RAB37: variants seen among roughly 807,000 people sequenced by gnomAD.
The protein encoded by RAB37 is ras-related protein Rab-37.
Under a neutral mutation model 33.1 loss-of-function variants are expected in RAB37, and 29 were observed. That is an observed-to-expected ratio of 0.88 (90% CI 0.65 to 1.20). RAB37 has a LOEUF of 1.20. RAB37 is among the 50% of genes most tolerant of loss of function. The pLI is 0.00. For synonymous variants in RAB37, 128 were observed against 119.5 expected, an observed-to-expected ratio of 1.07 and a Z score of -0.47; for missense variants, 299 against 301.1, an observed-to-expected ratio of 0.99 and a Z score of 0.05.
At chr17:74,689,042 C>T (rs2032110534) in intron 1 of RAB37, among the ~76,000 whole-genome samples, 1 of 152,200 alleles carries the variant, frequency 6.6e-6, no homozygotes, top group Non-Finnish European at 1.5e-5. Context: ...TGGCTCAAAC[C>T]CGTAATCTCA....
In RAB37 at chr17:74,730,720, C is replaced by T. The variant is rs1466592703; in HGVS notation, c.183+1354C>T. On this transcript the variant is annotated intron_variant, in intron 2 of 7. Coordinates refer to the RAB37 transcript ENST00000340415. The surrounding 1 kb of genome is among the most constrained non-coding windows in gnomAD (Gnocchi z 4.4). ...CTCAGCAGCCAGGGCACACCCTGCCCTCAGGGTCACACCCGCATCTCCTCA... is the reference window on the plus strand; with the variant it reads ...CTCAGCAGCCAGGGCACACCCTGCCTTCAGGGTCACACCCGCATCTCCTCA... Among the ~76,000 whole-genome samples the T allele has an allele frequency of 1.3e-5, 2 of 152,164 alleles. No individual in the cohort carries two copies. Among genetic ancestry groups the T allele is most frequent in the Non-Finnish European group, 2.9e-5 (2 of 68,022 alleles).
chr17:74,682,975 A>G (rs1352915799), intron 1 of RAB37, among the ~76,000 whole-genome samples: 4 of 152,214 alleles, frequency 2.6e-5, no homozygotes, highest in Non-Finnish European at 5.9e-5. Flanking sequence ...TAGCCATGCA[A>G]AAACAACAGA....
upstream of RAB37, chr17:74,736,998 T>C: frequency 1.3e-6 from 2 of 1,595,634 alleles, no homozygotes; most frequent in Non-Finnish European, 1.7e-6. Flanking sequence ...AGGGGACCGG[T>C]CCCGGGGCTG....
chr17:74,745,747 A>C lies in RAB37; in HGVS notation c.*336A>C. 2 of 237,694 alleles carry C rather than the reference A, an allele frequency of 8.4e-6. No individual in the cohort carries two copies. Among genetic ancestry groups the C allele is most frequent in the Non-Finnish European group, 1.7e-5 (2 of 120,382 alleles). The allele number at this position is 237,694 out of a possible 1,614,324, so 14.7% of individuals were successfully genotyped here. A position where few individuals can be genotyped will look rare whatever the true frequency, so the allele number is the denominator to read the frequency against. Reference sequence around the variant, plus strand: ...CCGGCCCTCCCTCCTAAGCATAACAAAGGTGGTGTTGCTCCAGCTCAGCCC... The same window carrying C: ...CCGGCCCTCCCTCCTAAGCATAACACAGGTGGTGTTGCTCCAGCTCAGCCC... On this transcript the variant is annotated 3_prime_UTR_variant, in exon 9 of 9. Transcript: ENST00000392613. The surrounding 1 kb of genome is among the most constrained non-coding windows in gnomAD (Gnocchi z 4.5).
chr17:74,720,940 C>A (rs1394130294), intron 1 of RAB37, among the ~76,000 whole-genome samples: 2 of 152,136 alleles, frequency 1.3e-5, no homozygotes, highest in Admixed American at 6.6e-5. Flanking sequence ...TTCCCTGAAG[C>A]CTGGCTGGAG....
At chr17:74,711,935 C>T (rs1166499006) in intron 1 of RAB37, among the ~76,000 whole-genome samples, 1 of 130,934 alleles carries the variant, frequency 7.6e-6, no homozygotes, top group African/African-American at 2.9e-5. Context: ...AACAGAGTCT[C>T]GCTCTGTCAC....
rs754207012 is a variant in RAB37 at position 74,745,440 on chromosome 17, AGGCACACAG to A, written c.*31_*39del. On this transcript the variant is annotated 3_prime_UTR_variant, in exon 9 of 9. Coordinates refer to ENST00000392613, the MANE Select transcript of RAB37 (RefSeq NM_001006638.3). The surrounding 1 kb of genome is among the most constrained non-coding windows in gnomAD (Gnocchi z 4.5). ...CCAGGGGGCAGAGAGGAGGCTCTGG[AGGCACACAG>A]GATGCAGCCTTCCCCCTCCCAGGCC... 6 of 1,562,904 alleles carry A rather than the reference AGGCACACAG, an allele frequency of 3.8e-6. No individual in the cohort carries two copies. The Admixed American group carries it at 1.0e-4, about 26-fold the overall frequency.
upstream of RAB37, among the ~76,000 whole-genome samples, chr17:74,734,655 C>T (rs578058404): frequency 5.3e-5 from 8 of 152,168 alleles, no homozygotes; most frequent in African/African-American, 1.9e-4. Context: ...ACCAGCCTGG[C>T]CAACATGGTG....
At chr17:74,698,297 A>T in intron 1 of RAB37, 1 of 1,037,086 alleles carries the variant, frequency 9.6e-7, no homozygotes. Context: ...CCCTTGGACC[A>T]GATAGCTCCC....
chr17:74,709,669 G>C (rs1373744395), intron 1 of RAB37, among the ~76,000 whole-genome samples: 2 of 151,930 alleles, frequency 1.3e-5, no homozygotes, highest in Admixed American at 6.6e-5. Flanking sequence ...GGGCTCAAGT[G>C]ATCCTTTTGC....
intron 1 of RAB37, among the ~76,000 whole-genome samples, chr17:74,717,837 A>T: frequency 6.6e-6 from 1 of 151,294 alleles, no homozygotes; most frequent in Middle Eastern, 3.2e-3. Flanking sequence ...ACAGAAAAGA[A>T]AAAGAAAGGT....
chr17:74,671,416 TG>T lies in RAB37; in HGVS notation c.-169del. ...GGAAGAACGTGGCCGCCTGCCCGCCTGGTACCGCGCCGCGGCCGCTGCGGGG... is the reference window on the plus strand; with the variant it reads ...GGAAGAACGTGGCCGCCTGCCCGCCTGTACCGCGCCGCGGCCGCTGCGGGG... On this transcript the variant is annotated 5_prime_UTR_variant, in exon 1 of 8. Coordinates refer to the RAB37 transcript ENST00000340415. The surrounding 1 kb of genome is among the most constrained non-coding windows in gnomAD (Gnocchi z 5.0). 1.6e-6 allele frequency: 1 copy of T among 612,462 alleles called. No individual in the cohort carries two copies. The highest frequency in any genetic ancestry group is 2.9e-6 in the Non-Finnish European group (1 of 350,292). 37.9% of individuals were successfully genotyped at this position (612,462 alleles called of 1,614,324 possible).
chr17:74,714,165 C>T (rs2034119399), intron 1 of RAB37, among the ~76,000 whole-genome samples: 1 of 151,870 alleles, frequency 6.6e-6, no homozygotes, highest in Non-Finnish European at 1.5e-5. Flanking sequence ...GAACCCAGAT[C>T]GCACCACTGA....
intron 1 of RAB37, chr17:74,698,279 T>C: frequency 1.1e-6 from 1 of 921,260 alleles, no homozygotes; most frequent in Non-Finnish European, 1.7e-6. Context: ...CCTGATTGTG[T>C]GGGTAATCCC....
chr17:74,690,164 T>C (rs2032133630), intron 1 of RAB37, among the ~76,000 whole-genome samples: 1 of 152,172 alleles, frequency 6.6e-6, no homozygotes, highest in South Asian at 2.1e-4. Context: ...CCTCCCTATG[T>C]TGCTCAGGCT....
rs912724071 is a variant in RAB37 at position 74,674,149 on chromosome 17, T to G, written c.72+2491T>G. Reference sequence around the variant, plus strand: ...TGGAATGCAGTGGTGTGATCTCAGCTCACTGCAACCTCTGCCTCCCAGGCA... The same window carrying G: ...TGGAATGCAGTGGTGTGATCTCAGCGCACTGCAACCTCTGCCTCCCAGGCA... On this transcript the variant is annotated intron_variant, in intron 1 of 7. Transcript: ENST00000340415. 5.9e-5 allele frequency among the ~76,000 whole-genome samples: 9 copies of G among 152,204 alleles called. No individual in the cohort carries two copies. The South Asian group carries it at 8.3e-4, about 14-fold the overall frequency.
At chr17:74,726,753 G>C (rs781321222) in intron 1 of RAB37, among the ~76,000 whole-genome samples, 3 of 152,330 alleles carry the variant, frequency 2.0e-5, no homozygotes, top group Admixed American at 2.0e-4. Flanking sequence ...TGCCAGAGTT[G>C]AACAGTGGCT....
At chr17:74,728,656 C>T (rs1397064992) in intron 1 of RAB37, among the ~76,000 whole-genome samples, 1 of 144,772 alleles carries the variant, frequency 6.9e-6, no homozygotes, top group African/African-American at 2.6e-5. Context: ...TATATGTGTG[C>T]TCTGTGTATG....
intron 1 of RAB37, among the ~76,000 whole-genome samples, chr17:74,688,912 C>T (rs1261922694): frequency 2.0e-5 from 3 of 152,188 alleles, no homozygotes; most frequent in Admixed American, 6.5e-5. Flanking sequence ...CCCCACTTTT[C>T]AGCAGACTTG....
Sources: allele counts gnomAD v4.1 joint callset (sites outside exome capture counted in the v4.1 genomes callset), GRCh38; gene constraint gnomAD v4.1.1; non-coding constraint Gnocchi (gnomAD v3.1); transcripts MANE v1.5; gene names NCBI Gene and HGNC (gene_info 2026-07-23, HGNC 2026-07-21).